Variants in TSNARE1 observed in about 807,000 individuals in gnomAD.
The protein encoded by TSNARE1 is t-SNARE domain containing 1, also known as t-SNARE domain-containing protein 1.
Under a neutral mutation model 62.0 loss-of-function variants are expected in TSNARE1, and 49 were observed. The ratio of observed to expected loss-of-function variants is 0.79; its 90% CI spans 0.63 to 1.00. TSNARE1 has a LOEUF of 1.00. Among genes scored for constraint, TSNARE1 ranks in the 50% least tolerant of loss-of-function variants. TSNARE1 has a pLI of 0.00. For synonymous variants in TSNARE1, 328 were observed against 294.4 expected (o/e 1.11, Z -1.17); for missense variants, 755 against 700.1 (o/e 1.08, Z -0.88).
intron 11 of TSNARE1, among the ~76,000 whole-genome samples, chr8:142,279,629 C>T (rs377455171): frequency 1.3e-5 from 2 of 152,310 alleles, no homozygotes; most frequent in African/African-American, 2.4e-5. Context: ...GAACCGCAGC[C>T]CTTCCACTAC....
At chr8:142,295,015 C>T (rs1824446540) in intron 10 of TSNARE1, among the ~76,000 whole-genome samples, 1 of 152,214 alleles carries the variant, frequency 6.6e-6, no homozygotes, top group Non-Finnish European at 1.5e-5. Flanking sequence ...CAGCCCGGAC[C>T]AGCACCAGGG....
chr8:142,259,784 G>A (rs1818764716), intron 12 of TSNARE1, among the ~76,000 whole-genome samples: 1 of 152,186 alleles, frequency 6.6e-6, no homozygotes, highest in Non-Finnish European at 1.5e-5. Flanking sequence ...CCAGCTCTCA[G>A]GATTAGAATA....
chr8:142,335,712 TGCATGA>T (rs1386805621), intron 4 of TSNARE1, among the ~76,000 whole-genome samples: 1 of 152,200 alleles, frequency 6.6e-6, no homozygotes, highest in Non-Finnish European at 1.5e-5. Flanking sequence ...CACTTAATGA[TGCATGA>T]GCCGAAGACG....
chr8:142,332,338 G>C (rs967219849), intron 4 of TSNARE1, among the ~76,000 whole-genome samples: 1 of 152,152 alleles, frequency 6.6e-6, no homozygotes, highest in Non-Finnish European at 1.5e-5. Context: ...CACGCCGCAC[G>C]GTTCCACACA....
intron 6 of TSNARE1, among the ~76,000 whole-genome samples, chr8:142,327,721 C>A (rs1209581431): frequency 6.6e-6 from 1 of 152,212 alleles, no homozygotes; most frequent in Non-Finnish European, 1.5e-5. Flanking sequence ...GTTAGGACTA[C>A]GCCCATGAAA....
At chr8:142,305,017 G>C (rs753046754) in intron 9 of TSNARE1, among the ~76,000 whole-genome samples, 9 of 152,212 alleles carry the variant, frequency 5.9e-5, no homozygotes, top group Non-Finnish European at 1.3e-4. Flanking sequence ...AGCCCGGCTG[G>C]TGTGCCCGAG....
At chr8:142,227,944 A>C (rs1816918622) in intron 13 of TSNARE1, among the ~76,000 whole-genome samples, 2 of 152,220 alleles carry the variant, frequency 1.3e-5, no homozygotes, top group African/African-American at 2.4e-5. Flanking sequence ...GGCAGCCTTG[A>C]GTGAGCAGCC....
chr8:142,330,820 C>T, intron 6 of TSNARE1, 81 bp downstream of exon 6: 2 of 1,442,020 alleles, frequency 1.4e-6, no homozygotes, highest in South Asian at 1.2e-5. Context: ...AGCCCGTGTG[C>T]ACAGGAGGAC....
At chr8:142,256,327 AT>A (rs1818555886) in intron 12 of TSNARE1, among the ~76,000 whole-genome samples, 2 of 144,254 alleles carry the variant, frequency 1.4e-5, no homozygotes, top group Admixed American at 6.8e-5. Context: ...CACCATCACC[AT>A]CTTTGCCACC....
chr8:142,313,896 A>T (rs1828075190), intron 9 of TSNARE1, among the ~76,000 whole-genome samples: 1 of 152,152 alleles, frequency 6.6e-6, no homozygotes. Flanking sequence ...CTCCTGCCTC[A>T]GCCTCCCATG....
rs1230581120 is a variant in TSNARE1, at chr8:142,319,061, G to C, written c.894-427C>G. On this transcript the variant is annotated intron_variant, in intron 6 of 13. Transcript: ENST00000524325. The surrounding 1 kb of genome is among the most constrained non-coding windows in gnomAD (Gnocchi z 4.9). ...GGGGGCAGAAAGGCAGGCAGAGAGA[G>C]ACGGCGCAGGTAAGCTCTGGCTGGG... 6.6e-6 allele frequency among the ~76,000 whole-genome samples: 1 copy of C among 151,974 alleles called. No homozygotes were observed. Among genetic ancestry groups the C allele is most frequent in the Non-Finnish European group, 1.5e-5 (1 of 67,984 alleles).
intron 2 of TSNARE1, among the ~76,000 whole-genome samples, chr8:142,350,932 A>C (rs1169035813): frequency 6.6e-6 from 1 of 152,270 alleles, no homozygotes; most frequent in African/African-American, 2.4e-5. Flanking sequence ...GTTAAACGGC[A>C]TCTCTGAAAC....
At chr8:142,351,284 T>C (rs892472097) in intron 2 of TSNARE1, among the ~76,000 whole-genome samples, 1 of 152,172 alleles carries the variant, frequency 6.6e-6, no homozygotes, top group African/African-American at 2.4e-5. Flanking sequence ...AAATACAATA[T>C]CTGGACTTTG....
chr8:142,234,613 C>A (rs1817311769), intron 12 of TSNARE1, among the ~76,000 whole-genome samples: 1 of 152,228 alleles, frequency 6.6e-6, no homozygotes, highest in Non-Finnish European at 1.5e-5. Context: ...GCAGCCCAGC[C>A]CTGCTGTGTG....
chr8:142,331,310 T>C (rs558015446), intron 5 of TSNARE1, among the ~76,000 whole-genome samples: 1 of 152,218 alleles, frequency 6.6e-6, no homozygotes, highest in Non-Finnish European at 1.5e-5. Flanking sequence ...GCCCCTCCCC[T>C]GGCCGTGGCT....
At chr8:142,297,270 G>A (rs951858356) in intron 10 of TSNARE1, among the ~76,000 whole-genome samples, 4 of 152,190 alleles carry the variant, frequency 2.6e-5, no homozygotes, top group South Asian at 2.1e-4. Flanking sequence ...ACACAACCCC[G>A]ATCTGCACCC....
chr8:142,299,010 G>A (rs929024339), intron 10 of TSNARE1, among the ~76,000 whole-genome samples: 6 of 152,246 alleles, frequency 3.9e-5, no homozygotes, highest in African/African-American at 1.2e-4. Flanking sequence ...GCCCCAGAGA[G>A]AAGCCCCCGA....
intron 13 of TSNARE1, among the ~76,000 whole-genome samples, chr8:142,220,733 C>T (rs991660843): frequency 1.3e-5 from 2 of 152,230 alleles, no homozygotes; most frequent in Non-Finnish European, 2.9e-5. Flanking sequence ...GGCAAACAGA[C>T]CCTCGCACAG....
At chr8:142,254,666 G>T (rs73716180) in intron 12 of TSNARE1, among the ~76,000 whole-genome samples, 1 of 152,148 alleles carries the variant, frequency 6.6e-6, no homozygotes, top group Non-Finnish European at 1.5e-5. Context: ...TATGGGGAAG[G>T]CGGGGCATCA....
Sources: allele counts gnomAD v4.1 joint callset (sites outside exome capture counted in the v4.1 genomes callset), GRCh38; gene constraint gnomAD v4.1.1; non-coding constraint Gnocchi (gnomAD v3.1); transcripts MANE v1.5; gene names NCBI Gene and HGNC (gene_info 2026-07-23, HGNC 2026-07-21).